LMF1: variants seen among roughly 807,000 people sequenced by gnomAD.
LMF1 encodes transmembrane protein 112.
LMF1 carries 68 observed loss-of-function variants against 60.6 expected under a neutral mutation model. That is an observed-to-expected ratio of 1.12 (90% CI 0.92 to 1.37). The LOEUF (loss-of-function observed/expected upper bound fraction) is 1.37. Ranked by LOEUF, LMF1 falls within the 40% of genes most tolerant of loss-of-function variation. The pLI is 0.00. For synonymous variants in LMF1, 418 were observed against 324.7 expected (o/e 1.29, Z -3.09); for missense variants, 948 against 767.2 (o/e 1.24, Z -2.78).
intron 4 of LMF1, chr16:902,315 T>A (rs1389811121): frequency 6.6e-6 from 1 of 152,508 alleles, no homozygotes; most frequent in Admixed American, 6.5e-5. Flanking sequence ...CCCTGACTTG[T>A]CAGCTTCCCA....
At chr16:884,557 T>C (rs2070252528) in intron 5 of LMF1, among the ~76,000 whole-genome samples, 1 of 152,254 alleles carries the variant, frequency 6.6e-6, no homozygotes, top group African/African-American at 2.4e-5. Context: ...ATGTCAAGTC[T>C]GTTAGGTGGA....
At chr16:883,286 G>A (rs1424172874) in intron 5 of LMF1, among the ~76,000 whole-genome samples, 1 of 150,392 alleles carries the variant, frequency 6.6e-6, no homozygotes, top group South Asian at 2.1e-4. Context: ...CAGCAGAAGA[G>A]CTGCCCGGCA....
chr16:861,396 C>T (rs1331424099), intron 10 of LMF1, among the ~76,000 whole-genome samples: 5 of 131,998 alleles, frequency 3.8e-5, no homozygotes, highest in South Asian at 2.4e-4. Flanking sequence ...TTCACTCTGT[C>T]GCCCAGGCTG....
At chr16:901,350 G>C (rs927433102) in intron 4 of LMF1, 8 of 142,398 alleles carry the variant, frequency 5.6e-5, no homozygotes, top group African/African-American at 2.0e-4. Flanking sequence ...AGGTGGCACA[G>C]AGGTGCCGGG....
In LMF1 at chr16:862,816, C is replaced by A. The variant is rs533405448; in HGVS notation, c.1529+6128G>T. ...GAGGCTACAGTGAGCCATGTTTGTG[C>A]CATTGCACTCCAGCCTGGGTGACAG... On this transcript the variant is annotated intron_variant, in intron 10 of 10. Coordinates refer to ENST00000262301, the MANE Select transcript of LMF1 (RefSeq NM_022773.4). Among the ~76,000 whole-genome samples, 10 of 151,974 alleles carry A rather than the reference C, an allele frequency of 6.6e-5. No homozygotes were observed. In the East Asian group the frequency reaches 1.9e-3, roughly 29 times the overall value.
intron 3 of LMF1, among the ~76,000 whole-genome samples, chr16:916,406 C>T (rs1309849042): frequency 6.6e-6 from 1 of 152,190 alleles, no homozygotes; most frequent in Non-Finnish European, 1.5e-5. Flanking sequence ...AATGGCGGCC[C>T]CAGAGAGAGC....
upstream of LMF1, chr16:971,025 GCCCCGCCCA>G (rs2073041427): frequency 7.4e-7 from 1 of 1,357,258 alleles, no homozygotes; most frequent in African/African-American, 1.6e-5. Context: ...ATTCTCGGAG[GCCCCGCCCA>G]TTCTCGGAGG....
chr16:900,033 C>G (rs1303686588), intron 4 of LMF1: 1 of 152,276 alleles, frequency 6.6e-6, no homozygotes, highest in African/African-American at 2.4e-5. Flanking sequence ...GACACGCGTC[C>G]CAAATCCTGG....
rs552159903 is a variant in LMF1, at chr16:969,673, G to A, written c.193+1115C>T. ...ACAACCAACGCGTGGGCAACGCCCG[G>A]GGCCAGCAGCTCCGGAGCCCTCTGG... On this transcript the variant is annotated intron_variant, in intron 1 of 10. Transcript: ENST00000262301. 2.3e-3 allele frequency among the ~76,000 whole-genome samples: 355 copies of A among 152,374 alleles called. 3 individuals carry two copies. Among genetic ancestry groups the A allele is most frequent in the South Asian group, 0.019 (93 of 4,832 alleles).
At chr16:859,153 CA>C (rs1402739583) in intron 10 of LMF1, among the ~76,000 whole-genome samples, 2 of 79,222 alleles carry the variant, frequency 2.5e-5, no homozygotes, top group African/African-American at 1.3e-4. Context: ...GACGGGTGTG[CA>C]GTGGTGTCTC....
At chr16:934,496 A>T (rs900958534) in intron 2 of LMF1, 1 of 539,222 alleles carries the variant, frequency 1.9e-6, no homozygotes, top group Admixed American at 3.3e-5. Flanking sequence ...CTAAGTACCC[A>T]TAGAAATAAA....
At chr16:975,687 T>C (rs915126095), upstream of LMF1, 11 of 407,344 alleles carry the variant, frequency 2.7e-5, no homozygotes, top group African/African-American at 1.9e-4. Flanking sequence ...TTGCCCCTCG[T>C]ACCCGCCTGA....
At chr16:914,776 T>TCCC (rs2071233195) in intron 3 of LMF1, among the ~76,000 whole-genome samples, 1 of 26,700 alleles carries the variant, frequency 3.7e-5, no homozygotes, top group African/African-American at 1.2e-4. Flanking sequence ...CCTCCCTCCC[T>TCCC]TCCCATGACC....
At chr16:886,511 C>G (rs1299073616) in intron 5 of LMF1, among the ~76,000 whole-genome samples, 1 of 151,796 alleles carries the variant, frequency 6.6e-6, no homozygotes, top group Non-Finnish European at 1.5e-5. Context: ...GGGCCACCTG[C>G]CAGGCCAAGC....
chr16:934,862 C>A (rs2071894326), intron 2 of LMF1, among the ~76,000 whole-genome samples: 1 of 152,126 alleles, frequency 6.6e-6, no homozygotes, highest in African/African-American at 2.4e-5. Context: ...CCTCTCTAAC[C>A]CCACCCCACC....
intron 6 of LMF1, among the ~76,000 whole-genome samples, chr16:879,150 G>A (rs2070085066): frequency 6.6e-6 from 1 of 152,152 alleles, no homozygotes; most frequent in Non-Finnish European, 1.5e-5. Context: ...AAATGACCCT[G>A]GCCTCTCTCA....
In LMF1 at chr16:878,192, T is replaced by C. The variant is rs1414863222; in HGVS notation, c.897+1378A>G. Among the ~76,000 whole-genome samples the C allele has an allele frequency of 2.0e-5, 3 of 152,150 alleles. No homozygotes were observed. In the East Asian group the frequency reaches 5.8e-4, roughly 29 times the overall value. ...CCGACTGAAGCTATTCCAGGAGCCC[T>C]GAGCAGCTGCAGAGAGAAACGTGCG... On this transcript the variant is annotated intron_variant, in intron 6 of 10. Transcript: ENST00000262301. This position sits in a 1 kb window ranked among gnomAD's most constrained non-coding sequence, Gnocchi z 5.2.
chr16:869,313 C>T, intron 9 of LMF1: 1 of 673,136 alleles, frequency 1.5e-6, no homozygotes, highest in East Asian at 2.9e-5. Flanking sequence ...CACCCCAGCA[C>T]CCTCTGTCTG....
chr16:933,853 G>A lies in LMF1; in HGVS notation c.514+391C>T, dbSNP rs970058563. On this transcript the variant is annotated intron_variant, in intron 3 of 10. Coordinates refer to ENST00000262301, the MANE Select transcript of LMF1 (RefSeq NM_022773.4). Reference sequence around the variant, plus strand: ...GTCCCCTCCACCAAACAAAGCACAAGCCAAAGTGCCCACCAGCGTGAGTGC... The same window carrying A: ...GTCCCCTCCACCAAACAAAGCACAAACCAAAGTGCCCACCAGCGTGAGTGC... 3.2e-5 allele frequency: 26 copies of A among 804,456 alleles called. No homozygotes were observed. In the African/African-American group the frequency reaches 3.8e-4, roughly 12 times the overall value. 49.8% of individuals were successfully genotyped at this position (804,456 alleles called of 1,614,324 possible). A position where few individuals can be genotyped will look rare whatever the true frequency, so the allele number is the denominator to read the frequency against.
Sources: gnomAD v4.1 joint callset for allele counts (sites outside exome capture counted in the v4.1 genomes callset) on GRCh38, gnomAD v4.1.1 for gene constraint, Gnocchi (gnomAD v3.1) non-coding constraint, MANE v1.5 for transcripts, NCBI Gene and HGNC (gene_info 2026-07-23, HGNC 2026-07-21) for gene names.